The following EYS variants were observed in gnomAD, a reference collection of about 807,000 sequenced individuals.
EYS encodes the protein EGF-like photoreceptor maintenance factor.
EYS carries 250 observed loss-of-function variants against 282.1 expected under a neutral mutation model. That is an observed-to-expected ratio of 0.89 (90% CI 0.80 to 0.98). EYS has a LOEUF of 0.98. EYS is among the 50% of genes least tolerant of loss of function. The pLI is 0.00. For synonymous variants in EYS, 1,355 were observed against 1,282.9 expected, an observed-to-expected ratio of 1.06 and a Z score of -1.20; for missense variants, 4,016 against 3,709.0, an observed-to-expected ratio of 1.08 and a Z score of -2.15.
chr6:64,480,471 A>G (rs984595905), intron 26 of EYS, among the ~76,000 whole-genome samples: 1 of 151,838 alleles, frequency 6.6e-6, no homozygotes, highest in Non-Finnish European at 1.5e-5. Flanking sequence ...TAAAAATGGG[A>G]AGAGTGAAGA....
At chr6:64,872,902 T>C (rs979475610) in intron 19 of EYS, among the ~76,000 whole-genome samples, 4 of 151,356 alleles carry the variant, frequency 2.6e-5, no homozygotes, top group African/African-American at 4.9e-5. Context: ...TAGTAAAGTG[T>C]GACTTGATCA....
chr6:64,961,521 C>A (rs866602099), intron 14 of EYS, among the ~76,000 whole-genome samples: 2 of 151,824 alleles, frequency 1.3e-5, no homozygotes, highest in Non-Finnish European at 2.9e-5. Flanking sequence ...ACATGCATAT[C>A]TGTGTGTGTA....
intron 26 of EYS, among the ~76,000 whole-genome samples, chr6:64,487,923 T>C (rs930455500): frequency 6.6e-6 from 1 of 150,962 alleles, no homozygotes; most frequent in Non-Finnish European, 1.5e-5. Context: ...AGAATAAATT[T>C]TACAGAACTT....
At chr6:64,355,312 G>A (rs1008426093) in intron 29 of EYS, among the ~76,000 whole-genome samples, 1 of 151,524 alleles carries the variant, frequency 6.6e-6, no homozygotes, top group Non-Finnish European at 1.5e-5. Context: ...TAGCTATGTG[G>A]CTTCCAGGTC....
chr6:64,161,263 T>C (rs904237247), intron 31 of EYS, among the ~76,000 whole-genome samples: 9 of 152,324 alleles, frequency 5.9e-5, no homozygotes, highest in Middle Eastern at 3.4e-3. Context: ...TCTGTGAAGA[T>C]ACATAAATAA....
chr6:64,401,196 T>A (rs762329043), intron 28 of EYS, among the ~76,000 whole-genome samples: 29 of 152,076 alleles, frequency 1.9e-4, no homozygotes, highest in Non-Finnish European at 3.4e-4. Flanking sequence ...TTCCATCGTG[T>A]TGGAAATCAA....
intron 29 of EYS, among the ~76,000 whole-genome samples, chr6:64,338,551 C>A (rs1231054591): frequency 6.6e-6 from 1 of 151,976 alleles, no homozygotes; most frequent in Non-Finnish European, 1.5e-5. Flanking sequence ...TGGAAAATGA[C>A]CATACTGCTA....
intron 13 of EYS, among the ~76,000 whole-genome samples, chr6:64,998,942 C>T (rs1771365377): frequency 6.6e-6 from 1 of 152,138 alleles, no homozygotes. Context: ...AATTAACTTT[C>T]AGCATTGATG....
At chr6:63,981,569 A>T (rs1416531270) in intron 35 of EYS, among the ~76,000 whole-genome samples, 1 of 151,846 alleles carries the variant, frequency 6.6e-6, no homozygotes, top group Non-Finnish European at 1.5e-5. Context: ...GATGTGAAGA[A>T]GTGTTATACT....
chr6:64,107,294 TATATA>T (rs1773059632), intron 31 of EYS, among the ~76,000 whole-genome samples: 4 of 123,206 alleles, frequency 3.2e-5, no homozygotes, highest in African/African-American at 1.5e-4. Flanking sequence ...TTTATATATA[TATATA>T]TATATATATA....
intron 28 of EYS, among the ~76,000 whole-genome samples, chr6:64,422,567 A>G (rs925177303): frequency 6.6e-6 from 1 of 152,224 alleles, no homozygotes; most frequent in African/African-American, 2.4e-5. Flanking sequence ...AAGCCTCAAT[A>G]GGTTGAGTAT....
chr6:65,150,116 T>C (rs770969126), intron 12 of EYS, among the ~76,000 whole-genome samples: 1 of 152,048 alleles, frequency 6.6e-6, no homozygotes, highest in African/African-American at 2.4e-5. Context: ...ATGGGGATTA[T>C]GGGAACTACA....
At chr6:65,236,401 G>A (rs1250552295) in intron 12 of EYS, among the ~76,000 whole-genome samples, 3 of 152,132 alleles carry the variant, frequency 2.0e-5, no homozygotes, top group African/African-American at 7.2e-5. Flanking sequence ...CACGAGGTCA[G>A]GAGTTCAAGA....
At position 65,443,167 on chromosome 6, in the gene EYS, CACATATGTGCACATCATAT is replaced by C. The variant is rs1768447244; in HGVS notation, c.863-37819_863-37801del. On this transcript the variant is annotated intron_variant, in intron 5 of 42. Coordinates refer to ENST00000503581, the MANE Select transcript of EYS (RefSeq NM_001142800.2). ...TGTACACATCATACACATATATGAGCACATATGTGCACATCATATACATATGTGCGCACATATATGTATG... is the reference window on the plus strand; with the variant it reads ...TGTACACATCATACACATATATGAGCACATATGTGCGCACATATATGTATG... Among the ~76,000 whole-genome samples the C allele has an allele frequency of 1.4e-5, 2 of 143,954 alleles. 1 individual carries two copies. Among genetic ancestry groups the C allele is most frequent in the Non-Finnish European group, 3.1e-5 (2 of 63,590 alleles). The allele number at this position is 143,954 out of a possible 152,430, so 94.4% of individuals were successfully genotyped here.
At chr6:65,329,065 C>G (rs1469600526) in intron 11 of EYS, among the ~76,000 whole-genome samples, 6 of 151,246 alleles carry the variant, frequency 4.0e-5, no homozygotes, top group Non-Finnish European at 5.9e-5. Context: ...AAATAAAAAT[C>G]TGGCTTAGGT....
At chr6:65,295,104 A>T (rs1421453932) in intron 12 of EYS, among the ~76,000 whole-genome samples, 3 of 151,926 alleles carry the variant, frequency 2.0e-5, no homozygotes, top group Non-Finnish European at 4.4e-5. Context: ...AACTTTTCGA[A>T]TTGGGTCTGC....
rs188374352 is a variant in EYS at position 64,094,025 on chromosome 6, G to T, written c.6425-12023C>A. Among the ~76,000 whole-genome samples, 601 of 152,208 alleles carry T rather than the reference G, an allele frequency of 3.9e-3. 2 individuals are homozygous for T. Among genetic ancestry groups the T allele is most frequent in the African/African-American group, 0.014 (572 of 41,508 alleles). On this transcript the variant is annotated intron_variant, in intron 31 of 42. Transcript: ENST00000503581. The stretch of plus-strand genomic sequence containing the variant: ...CTATTGAGGTAATCATGTGGTTTTT[G>T]TCTTTGGTTCTGTTTATATGCTGGA...
chr6:64,873,417 C>T (rs965998459), intron 19 of EYS, among the ~76,000 whole-genome samples: 5 of 151,992 alleles, frequency 3.3e-5, no homozygotes, highest in African/African-American at 1.2e-4. Context: ...TAATTTTCCA[C>T]TACAACACCA....
At chr6:64,525,712 C>G (rs1777895587) in intron 26 of EYS, among the ~76,000 whole-genome samples, 1 of 151,680 alleles carries the variant, frequency 6.6e-6, no homozygotes, top group Admixed American at 6.6e-5. Context: ...AAAACAGTGA[C>G]AACACCAAAG....
Sources: allele counts gnomAD v4.1 joint callset (sites outside exome capture counted in the v4.1 genomes callset), GRCh38; gene constraint gnomAD v4.1.1; transcripts MANE v1.5; gene names NCBI Gene and HGNC (gene_info 2026-07-23, HGNC 2026-07-21).